Variants in VPS13B observed in about 807,000 individuals in gnomAD.
VPS13B encodes intermembrane lipid transfer protein VPS13B.
A neutral mutation model predicts 426.4 loss-of-function variants in VPS13B; 285 were observed. The observed-to-expected ratio is 0.67, with a 90% confidence interval of 0.61 to 0.74. The LOEUF (loss-of-function observed/expected upper bound fraction) is 0.74. Among genes scored for constraint, VPS13B ranks in the 30% least tolerant of loss-of-function variants. The pLI, the probability that VPS13B is intolerant of heterozygous loss-of-function variation, is 0.00. For synonymous variants in VPS13B, 1,676 were observed against 1,676.4 expected, an observed-to-expected ratio of 1.00 and a Z score of 0.01; for missense variants, 4,537 against 4,782.6, an observed-to-expected ratio of 0.95 and a Z score of 1.51.
At chr8:99,316,488 C>T (rs1809663251) in intron 19 of VPS13B, among the ~76,000 whole-genome samples, 1 of 152,114 alleles carries the variant, frequency 6.6e-6, no homozygotes, top group African/African-American at 2.4e-5. Context: ...CATGGTTTCC[C>T]AGCACCTCCC....
chr8:99,744,572 G>A (rs185304369), intron 39 of VPS13B, among the ~76,000 whole-genome samples: 2,168 of 152,168 alleles, frequency 0.014, 22 homozygotes, highest in Middle Eastern at 0.024. Context: ...AACCAACCCA[G>A]ATGTCCAACA....
At chr8:99,185,883 A>G (rs1262136452) in intron 16 of VPS13B, among the ~76,000 whole-genome samples, 1 of 152,134 alleles carries the variant, frequency 6.6e-6, no homozygotes, top group Non-Finnish European at 1.5e-5. Flanking sequence ...TTGTCAACAA[A>G]TGGTACAAGC....
intron 3 of VPS13B, among the ~76,000 whole-genome samples, chr8:99,073,591 T>G (rs1844946663): frequency 6.6e-6 from 1 of 152,060 alleles, no homozygotes; most frequent in Non-Finnish European, 1.5e-5. Flanking sequence ...GCACTGAATT[T>G]ATCAGATTTA....
At chr8:99,428,400 C>G (rs1288804887) in intron 21 of VPS13B, among the ~76,000 whole-genome samples, 3 of 152,122 alleles carry the variant, frequency 2.0e-5, no homozygotes, top group South Asian at 4.2e-4. Flanking sequence ...TGACAAAGGG[C>G]TAATATCCAG....
chr8:99,365,151 G>A (rs1401679806), intron 19 of VPS13B, among the ~76,000 whole-genome samples: 1 of 147,374 alleles, frequency 6.8e-6, no homozygotes, highest in East Asian at 2.0e-4. Flanking sequence ...GATTTTATTT[G>A]TATCTTACCT....
chr8:99,450,690 T>C lies in VPS13B; in HGVS notation c.3445+8055T>C, dbSNP rs35652877. Among the ~76,000 whole-genome samples, 1,011 of 152,296 alleles carry C rather than the reference T, an allele frequency of 6.6e-3. 5 individuals carry two copies. The highest frequency in any genetic ancestry group is 0.014 in the Middle Eastern group (4 of 294). On this transcript the variant is annotated intron_variant, in intron 23 of 61. Coordinates refer to ENST00000357162, the MANE Select transcript of VPS13B (RefSeq NM_152564.5). The stretch of plus-strand genomic sequence containing the variant: ...ATTGTGCCACCACACTCCAGCCTGG[T>C]GACAGAGCAAGACTCTGTCTTAAAA...
intron 19 of VPS13B, among the ~76,000 whole-genome samples, chr8:99,363,636 T>G (rs1377459654): frequency 6.6e-6 from 1 of 152,222 alleles, no homozygotes; most frequent in Non-Finnish European, 1.5e-5. Flanking sequence ...TGTGCCTTCT[T>G]CAGTTTCTTG....
At chr8:99,448,121 T>TTTTATTTATTTATTTA (rs149574664) in intron 23 of VPS13B, among the ~76,000 whole-genome samples, 5 of 141,788 alleles carry the variant, frequency 3.5e-5, no homozygotes, top group East Asian at 2.0e-4. Flanking sequence ...GTGGTTTTAT[T>TTTTATTTATTTATTTA]TTTATTTATT....
intron 35 of VPS13B, among the ~76,000 whole-genome samples, chr8:99,695,698 TAA>T (rs1202493759): frequency 9.9e-5 from 6 of 60,488 alleles, no homozygotes; most frequent in Non-Finnish European, 2.3e-4. Flanking sequence ...TAAAGTATAA[TAA>T]AAAAAAAAAA....
At chr8:99,334,137 A>G (rs1810693132) in intron 19 of VPS13B, among the ~76,000 whole-genome samples, 1 of 151,978 alleles carries the variant, frequency 6.6e-6, no homozygotes, top group South Asian at 2.1e-4. Flanking sequence ...ATAAAAAACT[A>G]CTAGACTTTT....
At chr8:99,850,385 A>C (rs112362621) in intron 55 of VPS13B, among the ~76,000 whole-genome samples, 27 of 146,966 alleles carry the variant, frequency 1.8e-4, no homozygotes, top group African/African-American at 4.8e-4. Context: ...TTATACATAC[A>C]TACATAAGTA....
intron 25 of VPS13B, 76 bp downstream of exon 25, chr8:99,481,878 G>C: frequency 6.6e-7 from 1 of 1,513,816 alleles, no homozygotes; most frequent in Non-Finnish European, 9.0e-7. Context: ...GGTTTAAAAT[G>C]AAGATAACCT....
At chr8:99,131,300 A>G (rs950964386) in intron 8 of VPS13B, among the ~76,000 whole-genome samples, 3 of 152,184 alleles carry the variant, frequency 2.0e-5, no homozygotes, top group South Asian at 4.1e-4. Context: ...ATTGAATTTC[A>G]TGATATGTTT....
chr8:99,363,412 A>G (rs1812676951), intron 19 of VPS13B, among the ~76,000 whole-genome samples: 1 of 151,514 alleles, frequency 6.6e-6, no homozygotes, highest in African/African-American at 2.4e-5. Flanking sequence ...GTAATGTTCA[A>G]TTTTTTTCTT....
intron 33 of VPS13B, among the ~76,000 whole-genome samples, chr8:99,615,231 A>G (rs557805127): frequency 6.6e-6 from 1 of 151,846 alleles, no homozygotes; most frequent in Non-Finnish European, 1.5e-5. Flanking sequence ...TGTTATTATT[A>G]TAAGTAATAT....
At chr8:99,501,651 G>T (rs747699594) in intron 25 of VPS13B, 36 bp from the exon 26 acceptor site, 3 of 1,603,960 alleles carry the variant, frequency 1.9e-6, no homozygotes, top group Admixed American at 1.7e-5. Flanking sequence ...TTTTGTTTAT[G>T]TTACAAAGTA....
rs2133440683 is a variant in VPS13B, at chr8:99,442,475, C to T, written c.3285C>T (p.Asp1095=). The T allele has an allele frequency of 1.2e-6, 2 of 1,613,970 alleles. No homozygotes were observed. Among genetic ancestry groups the T allele is most frequent in the South Asian group, 1.1e-5 (1 of 91,082 alleles). ...CCCCAAGTACAATTGTATCTGGTGA[C>T]ATTCCTGGAACAGTAAGAAGTTGGT... ...LPSPSTIVSG[D]IPGTVRSWYH... The change falls in exon 23 of 62, where the codon GAC becomes GAT. Residue 1095 remains aspartate (D), a synonymous_variant. Transcript: ENST00000357162.
intron 19 of VPS13B, among the ~76,000 whole-genome samples, chr8:99,379,543 T>C (rs755086067): frequency 3.9e-5 from 6 of 152,180 alleles, no homozygotes; most frequent in Non-Finnish European, 8.8e-5. Context: ...AAAATAATAA[T>C]TGGCTATCTT....
chr8:99,076,500 G>A (rs184014822), intron 3 of VPS13B, among the ~76,000 whole-genome samples: 22 of 152,114 alleles, frequency 1.4e-4, no homozygotes, highest in Non-Finnish European at 2.9e-4. Flanking sequence ...TCTCCCTTTA[G>A]ATCTAATAAT....
Sources: gnomAD v4.1 joint callset for allele counts (sites outside exome capture counted in the v4.1 genomes callset) on GRCh38, gnomAD v4.1.1 for gene constraint, MANE v1.5 for transcripts, NCBI Gene and HGNC (gene_info 2026-07-23, HGNC 2026-07-21) for gene names.